The following PRKACA variants were observed in gnomAD, a reference collection of about 807,000 sequenced individuals.
PRKACA encodes the protein cAMP-dependent protein kinase catalytic subunit alpha.
In PRKACA, 9 loss-of-function variants were observed where a neutral mutation model predicts 45.8. The ratio of observed to expected loss-of-function variants is 0.20; its 90% CI spans 0.12 to 0.34. The LOEUF (loss-of-function observed/expected upper bound fraction) is 0.34. PRKACA is among the 10% of genes least tolerant of loss of function. PRKACA has a pLI of 1.00. For synonymous variants in PRKACA, 160 were observed against 178.6 expected (o/e 0.90, Z 0.83); for missense variants, 238 against 458.6 (o/e 0.52, Z 4.39).
At chr19:14,098,796 C>T (rs966266028) in intron 5 of PRKACA, among the ~76,000 whole-genome samples, 1 of 146,896 alleles carries the variant, frequency 6.8e-6, no homozygotes, top group African/African-American at 2.5e-5. Flanking sequence ...ACCCGGCCTC[C>T]ACCTCTGTAT....
At chr19:14,108,037 T>C (rs533564139) in intron 1 of PRKACA, 3 of 985,916 alleles carry the variant, frequency 3.0e-6, no homozygotes, top group African/African-American at 1.7e-5. Context: ...CCGGCTGCTG[T>C]CTACACTGTC....
chr19:14,107,219 G>T, intron 2 of PRKACA, 129 bp downstream of exon 2: 1 of 1,025,610 alleles, frequency 9.8e-7, no homozygotes, highest in Non-Finnish European at 1.5e-6. Flanking sequence ...TGGGCACCTA[G>T]GGAGCAAATG....
chr19:14,093,353 T>C, intron 9 of PRKACA, 116 bp from the exon 10 acceptor site: 6 of 1,367,274 alleles, frequency 4.4e-6, no homozygotes, highest in Non-Finnish European at 6.0e-6. Flanking sequence ...GGCCTGTGCT[T>C]ACCATTAGGT....
intron 1 of PRKACA, chr19:14,115,005 C>T (rs1014057587): frequency 3.2e-6 from 3 of 924,098 alleles, no homozygotes; most frequent in African/African-American, 1.8e-5. Flanking sequence ...TGCCCCTGCC[C>T]CACCCTTCTA....
rs1188853064 is a variant in PRKACA, at chr19:14,092,887, G to C, written c.*225C>G. 208 of 536,014 alleles carry C rather than the reference G, an allele frequency of 3.9e-4. 2 individuals are homozygous for C. In the East Asian group the frequency reaches 5.7e-3, roughly 15 times the overall value. 33.2% of individuals were successfully genotyped at this position (536,014 alleles called of 1,614,324 possible). On this transcript the variant is annotated 3_prime_UTR_variant, in exon 10 of 10. Transcript: ENST00000308677. ...GTGGGGAAAGAGGAAGGGAAAAGTG[G>C]GAGAGGGGGCAGGAGGGTGAAGGGG... is the stretch of plus-strand genomic sequence containing the variant.
At chr19:14,096,660 G>C (rs1977268231) in intron 8 of PRKACA, 1 of 157,260 alleles carries the variant, frequency 6.4e-6, no homozygotes, top group South Asian at 1.9e-4. Context: ...CAGAGGTGGG[G>C]TCCCCAACCT....
chr19:14,093,411 A>G (rs1388462848), intron 9 of PRKACA, among the ~76,000 whole-genome samples, 174 bp from the exon 10 acceptor site: 1 of 152,172 alleles, frequency 6.6e-6, no homozygotes, highest in South Asian at 2.1e-4. Flanking sequence ...GCAACTCATC[A>G]AAGGGGAAAT....
In PRKACA at chr19:14,107,819, G is replaced by A. The variant is rs571993209; in HGVS notation, c.47-410C>T. ...AGGCCGGGCCTGGGATGGAGGCCTC[G>A]GGGGCTCGGGTAGCAGGTGCCCTTG... is the stretch of plus-strand genomic sequence containing the variant. On this transcript the variant is annotated intron_variant, in intron 1 of 9. Coordinates refer to ENST00000308677, the MANE Select transcript of PRKACA (RefSeq NM_002730.4). The A allele has an allele frequency of 5.1e-5, 51 of 998,730 alleles. No homozygotes were observed. The East Asian group carries it at 1.3e-3, about 25-fold the overall frequency. 61.9% of individuals were successfully genotyped at this position (998,730 alleles called of 1,614,324 possible).
At chr19:14,102,982 C>G in intron 3 of PRKACA, 68 bp from the exon 4 acceptor site, 1 of 1,283,450 alleles carries the variant, frequency 7.8e-7, no homozygotes, top group South Asian at 1.2e-5. Flanking sequence ...CCCCTAATGC[C>G]TGGAACTAGG....
At position 14,106,750 on chromosome 19, in the gene PRKACA, G is replaced by A; in HGVS notation, c.237+10C>T. 2 of 1,614,060 alleles carry A rather than the reference G, an allele frequency of 1.2e-6. No homozygotes were observed. Among genetic ancestry groups the A allele is most frequent in the Non-Finnish European group, 1.7e-6 (2 of 1,179,934 alleles). ...ACAGGCAGGCCCTGAGCGAGGACAG[G>A]CCACCTCACCTTCTGTTTGTCGAGG... On this transcript the variant is annotated intron_variant, in intron 3 of 9. Coordinates refer to ENST00000308677, the MANE Select transcript of PRKACA (RefSeq NM_002730.4).
rs1461521338 is a variant in PRKACA at position 14,093,127 on chromosome 19, C to G, written c.1041G>C (p.Glu347Asp). The G allele has an allele frequency of 2.7e-6, 4 of 1,505,182 alleles. No individual in the cohort carries two copies. The highest frequency in any genetic ancestry group is 3.6e-6 in the Non-Finnish European group (4 of 1,117,306). The allele number at this position is 1,505,182 out of a possible 1,614,324, so 93.2% of individuals were successfully genotyped here. The change falls in exon 10 of 10, where the codon GAG becomes GAC. Residue 347 changes from glutamate to aspartate, a missense_variant. Coordinates refer to ENST00000308677, the MANE Select transcript of PRKACA (RefSeq NM_002730.4). ...RVSINEKCGKEFSEF is the reference protein window; with the variant it reads ...RVSINEKCGKDFSEF The stretch of plus-strand genomic sequence containing the variant: ...AGGCATGCCCCTAAAACTCAGAAAA[C>G]TCCTTGCCACACTTCTCATTGATGG...
In PRKACA at chr19:14,102,803, A is replaced by C; in HGVS notation, c.336+13T>G. 1 of 1,610,726 alleles carries C rather than the reference A, an allele frequency of 6.2e-7. No homozygotes were observed. The highest frequency in any genetic ancestry group is 8.5e-7 in the Non-Finnish European group (1 of 1,176,846). On this transcript the variant is annotated intron_variant, in intron 4 of 9. Transcript: ENST00000308677. ...ATGCAGTGACCCCCCGCCCTTGGCCACTGGGACCCCACCTTGAAGGAGAAC... is the reference window on the plus strand; with the variant it reads ...ATGCAGTGACCCCCCGCCCTTGGCCCCTGGGACCCCACCTTGAAGGAGAAC...
At chr19:14,100,334 C>G (rs1285572225) in intron 5 of PRKACA, among the ~76,000 whole-genome samples, 1 of 151,704 alleles carries the variant, frequency 6.6e-6, no homozygotes. Flanking sequence ...ATGTCACTCT[C>G]TCACCCAGGC....
chr19:14,098,661 A>T (rs762631907), intron 5 of PRKACA, among the ~76,000 whole-genome samples: 10 of 151,590 alleles, frequency 6.6e-5, no homozygotes, highest in Admixed American at 2.6e-4. Flanking sequence ...ACGCCCGGCT[A>T]ATTTTTATAT....
intron 1 of PRKACA, among the ~76,000 whole-genome samples, chr19:14,111,815 G>C (rs1320409499): frequency 6.6e-6 from 1 of 152,174 alleles, no homozygotes; most frequent in Non-Finnish European, 1.5e-5. Flanking sequence ...TTCAGCAGTG[G>C]GTGGGGAGGG....
intron 9 of PRKACA, 51 bp from the exon 10 acceptor site, chr19:14,093,288 A>C (rs1977146626): frequency 6.3e-7 from 1 of 1,587,384 alleles, no homozygotes. Context: ...CATAATCATT[A>C]TTACAACAAT....
At chr19:14,107,298 T>G in intron 2 of PRKACA, 50 bp downstream of exon 2, 1 of 1,543,906 alleles carries the variant, frequency 6.5e-7, no homozygotes, top group South Asian at 1.1e-5. Flanking sequence ...AGCCAGGGGC[T>G]GGGGGTTAGC....
chr19:14,098,883 T>C (rs1977352701), intron 5 of PRKACA, among the ~76,000 whole-genome samples: 1 of 151,978 alleles, frequency 6.6e-6, no homozygotes, highest in Non-Finnish European at 1.5e-5. Flanking sequence ...CATATACTGT[T>C]TTGGGTGGAG....
chr19:14,105,528 A>T (rs984642115), intron 3 of PRKACA, among the ~76,000 whole-genome samples: 2 of 151,446 alleles, frequency 1.3e-5, no homozygotes, highest in Admixed American at 1.3e-4. Context: ...AAAAAAACAT[A>T]AAAAAAAGCC....
Sources: allele counts gnomAD v4.1 joint callset (sites outside exome capture counted in the v4.1 genomes callset), GRCh38; gene constraint gnomAD v4.1.1; transcripts MANE v1.5; gene names NCBI Gene and HGNC (gene_info 2026-07-23, HGNC 2026-07-21).